FUT2: variants seen among roughly 807,000 people sequenced by gnomAD.
The protein encoded by FUT2 is fucosyltransferase 2 (H blood group).
For missense variants in FUT2, 419 were observed against 465.8 expected (o/e 0.90, Z 0.93); for synonymous variants, 182 against 193.1 (o/e 0.94, Z 0.48).
At chr19:48,700,351 G>T (rs192312219) in intron 1 of FUT2, among the ~76,000 whole-genome samples, 1 of 150,272 alleles carries the variant, frequency 6.7e-6, no homozygotes, top group Non-Finnish European at 1.5e-5. Context: ...TTTTGAGACG[G>T]AGTCTCGCTC....
rs2032608916 is a variant in FUT2, at chr19:48,704,950, C to T, written c.*962C>T. Reference sequence around the variant, plus strand: ...GGGGAAATGGCTTTAGAGTAGACAACAGAGATGCCCTGAGGGGTTGTGTAG... The same window carrying T: ...GGGGAAATGGCTTTAGAGTAGACAATAGAGATGCCCTGAGGGGTTGTGTAG... On this transcript the variant is annotated 3_prime_UTR_variant, in exon 2 of 2. Transcript: ENST00000425340. 1 of 411,780 alleles carries T rather than the reference C, an allele frequency of 2.4e-6. No individual in the cohort carries two copies. Among genetic ancestry groups the T allele is most frequent in the Admixed American group, 4.4e-5 (1 of 22,636 alleles). 25.5% of individuals were successfully genotyped at this position (411,780 alleles called of 1,614,324 possible). A position where few individuals can be genotyped will look rare whatever the true frequency, so the allele number is the denominator to read the frequency against.
chr19:48,701,542 A>G (rs1476174168), intron 1 of FUT2, among the ~76,000 whole-genome samples: 1 of 152,058 alleles, frequency 6.6e-6, no homozygotes, highest in Non-Finnish European at 1.5e-5. Context: ...TGGGAAGTCC[A>G]CGGTGGAGCT....
intron 1 of FUT2, among the ~76,000 whole-genome samples, chr19:48,700,726 AAG>A (rs2032501994): frequency 6.6e-6 from 1 of 152,060 alleles, no homozygotes; most frequent in African/African-American, 2.4e-5. Flanking sequence ...AAACAGCAGA[AAG>A]AGGCTCGTTC....
rs760366985 is a variant in FUT2, at chr19:48,703,764, TCA to T, written c.810_811del (p.Pro271CysfsTer11). The T allele has an allele frequency of 4.3e-6, 7 of 1,613,500 alleles. No individual in the cohort carries two copies. In the Admixed American group the frequency reaches 1.2e-4, roughly 27 times the overall value. ...VVFAGDGIEG[S>X]PAKDFALLTQ... Reference sequence around the variant, plus strand: ...GTTTGCTGGCGATGGCATTGAGGGCTCACCTGCCAAAGATTTTGCTCTACTCA... The same window carrying T: ...GTTTGCTGGCGATGGCATTGAGGGCTCCTGCCAAAGATTTTGCTCTACTCA... On this transcript the variant is annotated frameshift_variant, in exon 2 of 2. Coordinates refer to ENST00000425340, the MANE Select transcript of FUT2 (RefSeq NM_000511.6). LOFTEE classifies it high-confidence loss of function.
At chr19:48,701,409 C>A (rs1433073533) in intron 1 of FUT2, among the ~76,000 whole-genome samples, 2 of 151,902 alleles carry the variant, frequency 1.3e-5, no homozygotes. Context: ...CAGCTCCTGA[C>A]CTCAGCTAAT....
At chr19:48,702,508 AC>A (rs1301631708) in intron 1 of FUT2, among the ~76,000 whole-genome samples, 1 of 152,062 alleles carries the variant, frequency 6.6e-6, no homozygotes, top group African/African-American at 2.4e-5. Context: ...ACATATACAC[AC>A]ATGCTGTGTT....
intron 1 of FUT2, among the ~76,000 whole-genome samples, chr19:48,697,200 C>A (rs2032427465): frequency 1.3e-5 from 2 of 151,724 alleles, no homozygotes; most frequent in Non-Finnish European, 2.9e-5. Flanking sequence ...ACAAAATTAG[C>A]CAGGCGTGGT....
At position 48,705,904 on chromosome 19, in the gene FUT2, TTATAAA is replaced by T. The variant is rs2032633835; in HGVS notation, c.*1919_*1924del. The stretch of plus-strand genomic sequence containing the variant: ...GGACGACGTAGTGATACCCTGACTC[TTATAAA>T]TAAATAAATGAATAAACACAATTAT... On this transcript the variant is annotated 3_prime_UTR_variant, in exon 2 of 2. Transcript: ENST00000425340. The T allele has an allele frequency of 1.2e-5, 2 of 166,450 alleles. No homozygotes were observed. Among genetic ancestry groups the T allele is most frequent in the African/African-American group, 4.8e-5 (2 of 41,452 alleles). The allele number at this position is 166,450 out of a possible 1,614,324, so 10.3% of individuals were successfully genotyped here. A position where few individuals can be genotyped will look rare whatever the true frequency, so the allele number is the denominator to read the frequency against.
chr19:48,704,773 T>TTGTC lies in FUT2; in HGVS notation c.*786_*789dup. 2.4e-6 allele frequency: 1 copy of TTGTC among 413,486 alleles called. No homozygotes were observed. The allele number at this position is 413,486 out of a possible 1,614,324, so 25.6% of individuals were successfully genotyped here. A position where few individuals can be genotyped will look rare whatever the true frequency, so the allele number is the denominator to read the frequency against. ...TCCCCCCAACTCCGATGGGTAGGAA[T>TTGTC]TGTCACATACCCATGTGACCCGATA... On this transcript the variant is annotated 3_prime_UTR_variant, in exon 2 of 2. Coordinates refer to ENST00000425340, the MANE Select transcript of FUT2 (RefSeq NM_000511.6).
At chr19:48,701,319 C>T (rs180760302) in intron 1 of FUT2, among the ~76,000 whole-genome samples, 15 of 152,012 alleles carry the variant, frequency 9.9e-5, no homozygotes, top group African/African-American at 3.1e-4. Context: ...GCTGGGATTA[C>T]GGGCGTCCGC....
Position 48,704,712 on chromosome 19 carries a change from AGAAT to A in FUT2, c.*732_*735del, listed in dbSNP as rs2032604518. ...TCGTTCTTGTCTTGGTCCCTTTTGAAGAATGAATGAAACCTTCCTAAGCCTTCCA... is the reference window on the plus strand; with the variant it reads ...TCGTTCTTGTCTTGGTCCCTTTTGAAGAATGAAACCTTCCTAAGCCTTCCA... On this transcript the variant is annotated 3_prime_UTR_variant, in exon 2 of 2. Transcript: ENST00000425340. The A allele has an allele frequency of 4.8e-6, 2 of 413,798 alleles. No homozygotes were observed. The highest frequency in any genetic ancestry group is 4.1e-5 in the African/African-American group (2 of 48,762). 25.6% of individuals were successfully genotyped at this position (413,798 alleles called of 1,614,324 possible).
In FUT2 at chr19:48,703,787, A is replaced by T. The variant is rs1021884348; in HGVS notation, c.831A>T (p.Leu277=). 1.2e-6 allele frequency: 2 copies of T among 1,613,376 alleles called. No individual in the cohort carries two copies. Among genetic ancestry groups the T allele is most frequent in the Non-Finnish European group, 1.7e-6 (2 of 1,179,996 alleles). Residue 277 remains leucine, a synonymous_variant, in exon 2 of 2, where the codon CTA becomes CTT. Coordinates refer to ENST00000425340, the MANE Select transcript of FUT2 (RefSeq NM_000511.6). ...IEGSPAKDFA[L]LTQCNHTIMT... is the part of the protein sequence containing the mutation. Reference sequence around the variant, plus strand: ...GCTCACCTGCCAAAGATTTTGCTCTACTCACACAGTGTAACCACACCATCA... The same window carrying T: ...GCTCACCTGCCAAAGATTTTGCTCTTCTCACACAGTGTAACCACACCATCA...
At chr19:48,700,842 G>A (rs554786005) in intron 1 of FUT2, among the ~76,000 whole-genome samples, 11 of 152,130 alleles carry the variant, frequency 7.2e-5, no homozygotes, top group South Asian at 2.1e-4. Context: ...CATGTGGCCC[G>A]ATAGGAGGCA....
intron 1 of FUT2, among the ~76,000 whole-genome samples, chr19:48,699,461 G>A (rs919032997): frequency 5.9e-5 from 9 of 152,020 alleles, no homozygotes; most frequent in Non-Finnish European, 1.2e-4. Context: ...GCTTCTGGAA[G>A]TTCTGGCATT....
Position 48,704,501 on chromosome 19 carries a change from G to T in FUT2, c.*513G>T, listed in dbSNP as rs1035899499. ...TAATCATGCATATCACATAAGACCA[G>T]AAGTGGCCCAGGTCCAGGGTCAGTT... On this transcript the variant is annotated 3_prime_UTR_variant, in exon 2 of 2. Transcript: ENST00000425340. 4.9e-6 allele frequency: 2 copies of T among 409,920 alleles called. No homozygotes were observed. Among genetic ancestry groups the T allele is most frequent in the East Asian group, 7.2e-5 (2 of 27,664 alleles). 25.4% of individuals were successfully genotyped at this position (409,920 alleles called of 1,614,324 possible).
chr19:48,699,236 C>G (rs901807832), intron 1 of FUT2, among the ~76,000 whole-genome samples: 1 of 151,938 alleles, frequency 6.6e-6, no homozygotes, highest in Non-Finnish European at 1.5e-5. Context: ...CTCTGTCGCC[C>G]AGGCTGGAGT....
In FUT2 at chr19:48,705,111, CTTTTTT is replaced by C; in HGVS notation, c.*1135_*1140del. 1 of 136,098 alleles carries C rather than the reference CTTTTTT, an allele frequency of 7.3e-6. No individual in the cohort carries two copies. The allele number at this position is 136,098 out of a possible 1,614,324, so 8.4% of individuals were successfully genotyped here. A position where few individuals can be genotyped will look rare whatever the true frequency, so the allele number is the denominator to read the frequency against. On this transcript the variant is annotated 3_prime_UTR_variant, in exon 2 of 2. Transcript: ENST00000425340. ...CACTGTTTTCTTTTCTTTTTCTTTT[CTTTTTT>C]TTTTTTTTTTTGAGATGGAGTCTTG...
rs184968768 is a variant in FUT2, at chr19:48,704,809, G to T, written c.*821G>T. 716 of 413,388 alleles carry T rather than the reference G, an allele frequency of 1.7e-3. 2 individuals are homozygous for T. The highest frequency in any genetic ancestry group is 6.9e-3 in the Middle Eastern group (11 of 1,590). The allele number at this position is 413,388 out of a possible 1,614,324, so 25.6% of individuals were successfully genotyped here. ...CCATGTGACCCGATAGGAGGCAAAA[G>T]AAATGAGACTTCTGGGATTAGTTTA... On this transcript the variant is annotated 3_prime_UTR_variant, in exon 2 of 2. Coordinates refer to ENST00000425340, the MANE Select transcript of FUT2 (RefSeq NM_000511.6).
At chr19:48,700,794 C>T (rs975015932) in intron 1 of FUT2, among the ~76,000 whole-genome samples, 131 of 142,684 alleles carry the variant, frequency 9.2e-4, no homozygotes, top group Middle Eastern at 3.5e-3. Flanking sequence ...TCCAGCAACT[C>T]CCCCCACAAC....
Sources: gnomAD v4.1 joint callset for allele counts (sites outside exome capture counted in the v4.1 genomes callset) on GRCh38, gnomAD v4.1.1 for gene constraint, MANE v1.5 for transcripts, NCBI Gene and HGNC (gene_info 2026-07-23, HGNC 2026-07-21) for gene names.